The following CDH23 variants were observed in gnomAD, a reference collection of about 807,000 sequenced individuals.
CDH23 encodes the protein cadherin-23.
In CDH23, 189 loss-of-function variants were observed where a neutral mutation model predicts 317.1. The ratio of observed to expected loss-of-function variants is 0.60; its 90% CI spans 0.53 to 0.67. The LOEUF (loss-of-function observed/expected upper bound fraction) is 0.67. CDH23 is among the 30% of genes least tolerant of loss of function. The pLI, the probability that CDH23 is intolerant of heterozygous loss-of-function variation, is 0.00. For missense variants in CDH23, 4,401 were observed against 4,592.4 expected (o/e 0.96, Z 1.20); for synonymous variants, 1,839 against 1,876.8 (o/e 0.98, Z 0.52).
At chr10:71,755,001 C>T (rs1271561013) in intron 38 of CDH23, 2 of 440,280 alleles carry the variant, frequency 4.5e-6, no homozygotes, top group African/African-American at 4.0e-5. Flanking sequence ...AATTACAAAA[C>T]AAGCACGCCC....
intron 3 of CDH23, among the ~76,000 whole-genome samples, chr10:71,497,938 A>G (rs191311287): frequency 3.9e-4 from 60 of 152,278 alleles, no homozygotes; most frequent in African/African-American, 1.4e-3. Context: ...TCACTGGCAG[A>G]TCACACACTT....
chr10:71,421,345 C>A (rs1848807205), intron 1 of CDH23, among the ~76,000 whole-genome samples: 2 of 152,248 alleles, frequency 1.3e-5, no homozygotes, highest in African/African-American at 4.8e-5. Context: ...CCACCACCTG[C>A]CCCACCTGAG....
chr10:71,796,045 A>AGAGGAG (rs747095097), intron 48 of CDH23: 9 of 986,382 alleles, frequency 9.1e-6, no homozygotes, highest in African/African-American at 3.5e-5. Context: ...GAGAGTAGGA[A>AGAGGAG]GAGGAGGAGG....
At chr10:71,706,820 G>A (rs2132745509) in intron 25 of CDH23, 77 bp from the exon 26 acceptor site, 5 of 1,514,972 alleles carry the variant, frequency 3.3e-6, no homozygotes, top group Middle Eastern at 2.2e-4. Context: ...TTGGTCTGGT[G>A]CTGGAGACGC....
At chr10:71,556,430 G>A (rs1161759750) in intron 6 of CDH23, among the ~76,000 whole-genome samples, 1 of 152,078 alleles carries the variant, frequency 6.6e-6, no homozygotes, top group Non-Finnish European at 1.5e-5. Flanking sequence ...GTAAAACCCT[G>A]TCTCTACTAA....
Position 71,810,074 on chromosome 10 carries a change from C to CAGGT in CDH23, c.8978_8979+2dup. 1.2e-6 allele frequency: 2 copies of CAGGT among 1,610,952 alleles called. No homozygotes were observed. Among genetic ancestry groups the CAGGT allele is most frequent in the Non-Finnish European group, 1.7e-6 (2 of 1,178,518 alleles). On this transcript the variant is annotated frameshift_variant and splice_region_variant, in exon 61 of 70. Coordinates refer to ENST00000224721, the MANE Select transcript of CDH23 (RefSeq NM_022124.6). LOFTEE classifies it high-confidence loss of function. ...GGCCATTGTCAATACTGACAATGTG[C>CAGGT]AGGTGCCTCATGGGCCCACCCGGGG...
intron 38 of CDH23, among the ~76,000 whole-genome samples, chr10:71,766,437 G>C (rs1840546403): frequency 6.6e-6 from 1 of 152,146 alleles, no homozygotes; most frequent in East Asian, 1.9e-4. Context: ...GGGAAAGCCT[G>C]AGTCTCAGGA....
intron 38 of CDH23, among the ~76,000 whole-genome samples, chr10:71,775,815 G>T (rs920012180): frequency 6.6e-6 from 1 of 152,244 alleles, no homozygotes; most frequent in East Asian, 1.9e-4. Flanking sequence ...CCAAATATTC[G>T]AATAAAGATG....
chr10:71,667,073 C>G (rs1024019990), intron 14 of CDH23, among the ~76,000 whole-genome samples: 1 of 152,254 alleles, frequency 6.6e-6, no homozygotes, highest in South Asian at 2.1e-4. Flanking sequence ...AACTCCTCAC[C>G]GGCACCGGCC....
chr10:71,408,707 G>A (rs184854881), intron 1 of CDH23, among the ~76,000 whole-genome samples: 21 of 152,202 alleles, frequency 1.4e-4, no homozygotes, highest in Admixed American at 2.6e-4. Flanking sequence ...ATAATACAGC[G>A]GGAGAGAGGC....
chr10:71,762,971 CAG>C (rs1409960639), intron 38 of CDH23, among the ~76,000 whole-genome samples: 1 of 152,142 alleles, frequency 6.6e-6, no homozygotes, highest in African/African-American at 2.4e-5. Context: ...CTTTTGAAAA[CAG>C]AATATTGGAT....
At chr10:71,681,499 C>T (rs897975855) in intron 17 of CDH23, among the ~76,000 whole-genome samples, 2 of 152,200 alleles carry the variant, frequency 1.3e-5, no homozygotes, top group African/African-American at 4.8e-5. Context: ...TCTTCGCCCA[C>T]CTCTAAACAG....
chr10:71,461,335 G>A (rs1367334451), intron 3 of CDH23, among the ~76,000 whole-genome samples: 3 of 152,242 alleles, frequency 2.0e-5, no homozygotes, highest in African/African-American at 7.2e-5. Context: ...CATGGGGTGT[G>A]GCACACAGAA....
At chr10:71,743,464 C>T (rs758837156) in intron 38 of CDH23, among the ~76,000 whole-genome samples, 3 of 152,100 alleles carry the variant, frequency 2.0e-5, no homozygotes, top group South Asian at 2.1e-4. Context: ...TCCAGGAATC[C>T]CCACCCCACC....
chr10:71,421,176 G>C (rs1192674855), intron 1 of CDH23, among the ~76,000 whole-genome samples: 1 of 152,228 alleles, frequency 6.6e-6, no homozygotes, highest in Non-Finnish European at 1.5e-5. Flanking sequence ...TTGTTTGCAG[G>C]AGGCAGTGTT....
intron 14 of CDH23, among the ~76,000 whole-genome samples, chr10:71,670,679 G>A (rs1864106973): frequency 6.6e-6 from 1 of 152,206 alleles, no homozygotes; most frequent in African/African-American, 2.4e-5. Flanking sequence ...CAACCAGACT[G>A]TGGACACTAG....
chr10:71,652,030 G>A (rs1238642865), intron 14 of CDH23, among the ~76,000 whole-genome samples: 2 of 152,220 alleles, frequency 1.3e-5, no homozygotes, highest in Non-Finnish European at 2.9e-5. Flanking sequence ...GGCAGAAATG[G>A]GCAGAAGATG....
intron 2 of CDH23, among the ~76,000 whole-genome samples, chr10:71,441,721 C>CA (rs1241492421): frequency 3.9e-4 from 42 of 108,232 alleles, no homozygotes; most frequent in Non-Finnish European, 6.1e-4. Context: ...GACTCTGTCT[C>CA]AAAAAAAGAA....
chr10:71,783,106 T>G (rs1240325305), intron 41 of CDH23, among the ~76,000 whole-genome samples: 3 of 152,154 alleles, frequency 2.0e-5, no homozygotes, highest in Non-Finnish European at 4.4e-5. Context: ...CCCTAAGTAT[T>G]CAAAGGGAAA....
Sources: allele counts gnomAD v4.1 joint callset (sites outside exome capture counted in the v4.1 genomes callset), GRCh38; gene constraint gnomAD v4.1.1; transcripts MANE v1.5; gene names NCBI Gene and HGNC (gene_info 2026-07-23, HGNC 2026-07-21).